Variants in ZNF761 observed in about 807,000 individuals in gnomAD.
ZNF761 encodes the protein zinc finger protein 761.
Under a neutral mutation model 59.9 loss-of-function variants are expected in ZNF761, and 43 were observed. The observed-to-expected ratio is 0.72, with a 90% CI of 0.56 to 0.92. The LOEUF (loss-of-function observed/expected upper bound fraction) is 0.92, where lower values mean the gene tolerates loss of function less well. Ranked by LOEUF, ZNF761 falls within the 40% of genes least tolerant of loss-of-function variation. The probability of loss-of-function intolerance (pLI) is 0.00; values close to 1 mark genes in which losing one functional copy is unlikely to be tolerated. For missense variants in ZNF761, 850 were observed against 906.1 expected (o/e 0.94, Z 0.79); for synonymous variants, 294 against 304.8 (o/e 0.96, Z 0.37).
chr19:53,433,177 G>A (rs1158761988), intron 1 of ZNF761, among the ~76,000 whole-genome samples: 3 of 152,140 alleles, frequency 2.0e-5, no homozygotes, highest in Admixed American at 6.5e-5. Flanking sequence ...ATACGCACCG[G>A]CTCAGTGGAT....
At position 53,442,714 on chromosome 19, in the gene ZNF761, A is replaced by G; in HGVS notation, c.-184-3513A>G. 1.6e-5 allele frequency: 5 copies of G among 319,940 alleles called. 2 individuals are homozygous for G. The highest frequency in any genetic ancestry group is 1.5e-4 in the Admixed American group (5 of 32,616). The allele number at this position is 319,940 out of a possible 1,614,324, so 19.8% of individuals were successfully genotyped here. ...ACCTGAGGGCTGATCTTTAACGGGA[A>G]GGCTGCTTTCTCCTTTTGCCACCCC... On this transcript the variant is annotated intron_variant, in intron 1 of 4. Transcript: ENST00000684525.
intron 1 of ZNF761, among the ~76,000 whole-genome samples, chr19:53,437,485 C>T (rs912904636): frequency 6.6e-6 from 1 of 152,146 alleles, no homozygotes; most frequent in African/African-American, 2.4e-5. Flanking sequence ...TTTATATCTT[C>T]TTGGCACACC....
At chr19:53,446,553 A>G (rs891798192) in intron 2 of ZNF761, among the ~76,000 whole-genome samples, 4 of 151,906 alleles carry the variant, frequency 2.6e-5, no homozygotes, top group Non-Finnish European at 5.9e-5. Flanking sequence ...TTGTATTTTT[A>G]GTAGAGATGG....
Position 53,455,124 on chromosome 19 carries a change from A to T in ZNF761, c.617A>T (p.Gln206Leu), listed in dbSNP as rs756582003. 6 of 1,614,106 alleles carry T rather than the reference A, an allele frequency of 3.7e-6. No individual in the cohort carries two copies. The East Asian group carries it at 1.3e-4, about 36-fold the overall frequency. The change falls in exon 5 of 5, where the codon CAG (glutamine) becomes CTG (leucine). Residue 206 changes from glutamine (Q) to leucine (L), a missense_variant. Transcript: ENST00000684525. ...AATTCTTCATTACTCACACAAAAAC[A>T]GGAAGTACACATGAGAGAAAAATCT... ...FWNSSLLTQK[Q>L]EVHMREKSFQ...
intron 3 of ZNF761, among the ~76,000 whole-genome samples, chr19:53,448,480 T>A (rs1468744179): frequency 1.3e-5 from 2 of 152,222 alleles, no homozygotes; most frequent in African/African-American, 4.8e-5. Context: ...CTACTGTCAG[T>A]TCTGTGCCAG....
At chr19:53,448,578 A>G (rs113750518) in intron 3 of ZNF761, among the ~76,000 whole-genome samples, 7,042 of 152,204 alleles carry the variant, frequency 0.046, 218 homozygotes, top group African/African-American at 0.087. Context: ...TCGATGAGAT[A>G]TAATGGATTT....
chr19:53,440,857 G>T (rs4803118), intron 1 of ZNF761, among the ~76,000 whole-genome samples: 104,014 of 151,484 alleles, frequency 0.69, 36,107 homozygotes, highest in South Asian at 0.76. Context: ...GTACATTTTT[G>T]GTAGAAACGC....
intron 4 of ZNF761, among the ~76,000 whole-genome samples, chr19:53,452,675 T>C (rs960668483): frequency 1.3e-5 from 2 of 152,228 alleles, no homozygotes; most frequent in African/African-American, 4.8e-5. Flanking sequence ...AATTGGTTCC[T>C]GGTGAGAGCA....
intron 2 of ZNF761, among the ~76,000 whole-genome samples, chr19:53,446,719 G>A (rs2086164100): frequency 6.6e-6 from 1 of 152,104 alleles, no homozygotes; most frequent in Admixed American, 6.6e-5. Context: ...GTGTTGGCCA[G>A]GCTGGTCTCA....
At chr19:53,447,068 T>C (rs1461978037) in intron 2 of ZNF761, 128 bp from the exon 3 acceptor site, 3 of 528,240 alleles carry the variant, frequency 5.7e-6, no homozygotes, top group Non-Finnish European at 9.8e-6. Context: ...CAGTTTATCA[T>C]CCCTGGTGCA....
intron 1 of ZNF761, among the ~76,000 whole-genome samples, chr19:53,440,475 A>G (rs1383298109): frequency 6.6e-6 from 1 of 152,140 alleles, no homozygotes; most frequent in African/African-American, 2.4e-5. Context: ...GAGAACTTAA[A>G]AATTCCTATC....
chr19:53,449,727 C>G, intron 4 of ZNF761, 89 bp downstream of exon 4: 1 of 1,583,990 alleles, frequency 6.3e-7, no homozygotes, highest in Admixed American at 1.8e-5. Flanking sequence ...CTTGCTCTGT[C>G]ACCCAGGGTA....
intron 4 of ZNF761, 111 bp from the exon 5 acceptor site, chr19:53,454,539 C>A (rs752060586): frequency 4.6e-5 from 52 of 1,130,434 alleles, no homozygotes; most frequent in Non-Finnish European, 6.1e-5. Flanking sequence ...CTTTGAGGGT[C>A]ATGTTTGGAA....
At chr19:53,450,701 G>A (rs942326667) in intron 4 of ZNF761, among the ~76,000 whole-genome samples, 1 of 151,710 alleles carries the variant, frequency 6.6e-6, no homozygotes, top group African/African-American at 2.4e-5. Flanking sequence ...TCCGCCTCTC[G>A]GGTTCAAATG....
Position 53,455,450 on chromosome 19 carries a change from A to C in ZNF761, c.943A>C (p.Arg315=). 1 of 1,613,120 alleles carries C rather than the reference A, an allele frequency of 6.2e-7. No individual in the cohort carries two copies. Among genetic ancestry groups the C allele is most frequent in the Non-Finnish European group, 8.5e-7 (1 of 1,179,860 alleles). Residue 315 remains arginine (R), a synonymous_variant, in exon 5 of 5, where the codon AGA becomes CGA. Coordinates refer to ENST00000684525, the MANE Select transcript of ZNF761 (RefSeq NM_001289951.2). ...TTTCCATTTCAAATCAATACTTGAA[A>C]GACATAGGATAATTCATACTGAAGA... The part of the protein sequence containing the change: ...KAFHFKSILE[R]HRIIHTEEKP...
chr19:53,442,526 T>G (rs2086111695), intron 1 of ZNF761: 8 of 712,670 alleles, frequency 1.1e-5, no homozygotes, highest in Non-Finnish European at 2.1e-5. Flanking sequence ...ACTTGGAAGA[T>G]AAACTGAAAT....
intron 4 of ZNF761, among the ~76,000 whole-genome samples, chr19:53,453,204 A>G (rs1360467478): frequency 6.6e-6 from 1 of 152,050 alleles, no homozygotes; most frequent in African/African-American, 2.4e-5. Context: ...GGATTTCACC[A>G]TGTTGGCCAA....
At position 53,447,298 on chromosome 19, in the gene ZNF761, T is replaced by A; in HGVS notation, c.15+15T>A. ...CTTTTTCTCAGGTGAGATGATATTT[T>A]CAGTGGATTGTTCTGTCTCCTTCCT... On this transcript the variant is annotated intron_variant, in intron 3 of 4. Transcript: ENST00000684525. The A allele has an allele frequency of 6.2e-7, 1 of 1,613,200 alleles. No homozygotes were observed. Among genetic ancestry groups the A allele is most frequent in the Non-Finnish European group, 8.5e-7 (1 of 1,179,506 alleles).
intron 3 of ZNF761, among the ~76,000 whole-genome samples, chr19:53,448,775 ATTT>A (rs35551715): frequency 9.6e-5 from 12 of 125,072 alleles, no homozygotes; most frequent in Non-Finnish European, 8.5e-5. Context: ...TGGCTAGCTA[ATTT>A]TTTTTTTTTT....
Sources: gnomAD v4.1 joint callset for allele counts (sites outside exome capture counted in the v4.1 genomes callset) on GRCh38, gnomAD v4.1.1 for gene constraint, MANE v1.5 for transcripts, NCBI Gene and HGNC (gene_info 2026-07-23, HGNC 2026-07-21) for gene names.